Variants in NRG3 observed in about 807,000 individuals in gnomAD.
The protein encoded by NRG3 is pro-neuregulin-3, membrane-bound isoform.
Under a neutral mutation model 66.9 loss-of-function variants are expected in NRG3, and 31 were observed. The ratio of observed to expected loss-of-function variants is 0.46; its 90% CI spans 0.35 to 0.63. NRG3 has a LOEUF of 0.63. NRG3 is among the 20% of genes least tolerant of loss of function. NRG3 has a pLI of 0.00. For synonymous variants in NRG3, 393 were observed against 359.4 expected (o/e 1.09, Z -1.06); for missense variants, 910 against 878.9 (o/e 1.04, Z -0.45).
chr10:82,882,511 G>C (rs1487240180), intron 4 of NRG3, among the ~76,000 whole-genome samples: 2 of 152,182 alleles, frequency 1.3e-5, no homozygotes, highest in Non-Finnish European at 2.9e-5. Context: ...TGCTCAAAAA[G>C]GATGGTGGAG....
At chr10:82,951,057 G>A (rs1038275426) in intron 4 of NRG3, among the ~76,000 whole-genome samples, 1 of 152,082 alleles carries the variant, frequency 6.6e-6, no homozygotes, top group Non-Finnish European at 1.5e-5. Context: ...AAAACACAGG[G>A]GCATCAGCAC....
intron 1 of NRG3, among the ~76,000 whole-genome samples, chr10:82,047,825 C>T (rs1446903101): frequency 6.6e-6 from 1 of 152,060 alleles, no homozygotes; most frequent in Admixed American, 6.6e-5. Flanking sequence ...AGAGTCAATA[C>T]CCATCAGTGT....
intron 3 of NRG3, among the ~76,000 whole-genome samples, chr10:82,821,198 T>C (rs1287419579): frequency 6.6e-6 from 1 of 152,180 alleles, no homozygotes; most frequent in Admixed American, 6.5e-5. Context: ...GCTGCCCTCT[T>C]TGTGGCATCA....
intron 3 of NRG3, among the ~76,000 whole-genome samples, chr10:82,781,298 C>T (rs971053012): frequency 3.3e-5 from 5 of 152,162 alleles, no homozygotes; most frequent in East Asian, 1.9e-4. Flanking sequence ...ATCTTTCTTT[C>T]TATAGCTCAA....
At chr10:82,458,259 G>A (rs546179812) in intron 2 of NRG3, among the ~76,000 whole-genome samples, 206 of 152,318 alleles carry the variant, frequency 1.4e-3, no homozygotes, top group Non-Finnish European at 1.9e-3. Flanking sequence ...GGGTATATAA[G>A]TTCCTTGGAG....
At chr10:82,341,631 C>A (rs1436598519) in intron 1 of NRG3, among the ~76,000 whole-genome samples, 8 of 151,896 alleles carry the variant, frequency 5.3e-5, no homozygotes, top group African/African-American at 1.9e-4. Context: ...TTAGGGAGTA[C>A]AAGTACAGAT....
chr10:82,470,971 G>T (rs1053363800), intron 2 of NRG3, among the ~76,000 whole-genome samples: 1 of 152,084 alleles, frequency 6.6e-6, no homozygotes, highest in African/African-American at 2.4e-5. Context: ...TGGTTCTGCG[G>T]CTGTCTTTCT....
At chr10:81,963,522 C>A (rs2059610372) in intron 1 of NRG3, among the ~76,000 whole-genome samples, 1 of 152,190 alleles carries the variant, frequency 6.6e-6, no homozygotes, top group Non-Finnish European at 1.5e-5. Context: ...TTAACGATTA[C>A]ACCTAAACAT....
At chr10:82,860,423 G>A (rs903413459) in intron 3 of NRG3, among the ~76,000 whole-genome samples, 6 of 152,146 alleles carry the variant, frequency 3.9e-5, no homozygotes, top group African/African-American at 9.7e-5. Context: ...TAGGAAGGGG[G>A]TAAGTAAACT....
chr10:82,682,389 GTAGATAGACAGA>G (rs1010471171), intron 2 of NRG3, among the ~76,000 whole-genome samples: 6 of 141,322 alleles, frequency 4.2e-5, no homozygotes, highest in Middle Eastern at 3.7e-3. Context: ...TAGGTAGATA[GTAGATAGACAGA>G]TAGATAGATA....
chr10:82,280,273 A>T (rs1025005107), intron 1 of NRG3, among the ~76,000 whole-genome samples: 8 of 152,186 alleles, frequency 5.3e-5, no homozygotes, highest in Non-Finnish European at 1.2e-4. Context: ...AGGGCACAAG[A>T]TATAGATCAC....
chr10:82,583,165 G>T (rs2046463298), intron 2 of NRG3, among the ~76,000 whole-genome samples: 1 of 152,080 alleles, frequency 6.6e-6, no homozygotes, highest in Non-Finnish European at 1.5e-5. Flanking sequence ...GACAAAAATA[G>T]GTGAGGAAGA....
At chr10:82,855,353 C>T (rs996450401) in intron 3 of NRG3, among the ~76,000 whole-genome samples, 1 of 151,948 alleles carries the variant, frequency 6.6e-6, no homozygotes, top group Admixed American at 6.6e-5. Context: ...AGTAGACTTT[C>T]CCCTATTTTA....
intron 2 of NRG3, among the ~76,000 whole-genome samples, chr10:82,414,277 G>T (rs2088357878): frequency 6.6e-6 from 1 of 152,108 alleles, no homozygotes; most frequent in Non-Finnish European, 1.5e-5. Context: ...GAAATAGGTA[G>T]ACTGAGAAGA....
At chr10:82,004,006 C>CAT (rs1160034847) in intron 1 of NRG3, among the ~76,000 whole-genome samples, 5 of 149,990 alleles carry the variant, frequency 3.3e-5, no homozygotes, top group Non-Finnish European at 7.4e-5. Flanking sequence ...CACACACACA[C>CAT]ACACACACAC....
chr10:81,984,849 A>C (rs951973686), intron 1 of NRG3, among the ~76,000 whole-genome samples: 4 of 152,240 alleles, frequency 2.6e-5, no homozygotes, highest in Admixed American at 6.5e-5. Context: ...ATTAACTGCA[A>C]ATTCCTTCTG....
intron 2 of NRG3, among the ~76,000 whole-genome samples, chr10:82,484,694 G>A (rs2132179494): frequency 6.6e-6 from 1 of 152,280 alleles, no homozygotes. Flanking sequence ...ATTACCTTAT[G>A]AAATACCCTG....
intron 2 of NRG3, among the ~76,000 whole-genome samples, chr10:82,474,997 G>A (rs1841635382): frequency 6.6e-6 from 1 of 150,790 alleles, no homozygotes; most frequent in Admixed American, 6.6e-5. Flanking sequence ...AAAAAAGGAA[G>A]AAAAAAAACT....
chr10:82,256,362 A>T (rs146584455), intron 1 of NRG3, among the ~76,000 whole-genome samples: 1 of 152,210 alleles, frequency 6.6e-6, no homozygotes, highest in Non-Finnish European at 1.5e-5. Context: ...GTTGCTTTCA[A>T]TGTACGTTAT....
Sources: gnomAD v4.1 joint callset for allele counts (sites outside exome capture counted in the v4.1 genomes callset) on GRCh38, gnomAD v4.1.1 for gene constraint, MANE v1.5 for transcripts, NCBI Gene and HGNC (gene_info 2026-07-23, HGNC 2026-07-21) for gene names.